Variants in CSMD1 observed in about 807,000 individuals in gnomAD.
The protein encoded by CSMD1 is CUB and Sushi multiple domains 1, also known as CUB and sushi domain-containing protein 1.
CSMD1 carries 213 observed loss-of-function variants against 417.5 expected under a neutral mutation model. The ratio of observed to expected loss-of-function variants is 0.51; its 90% CI spans 0.46 to 0.57. The LOEUF (loss-of-function observed/expected upper bound fraction) is 0.57. CSMD1 is among the 20% of genes least tolerant of loss of function. CSMD1 has a pLI of 0.00. For synonymous variants in CSMD1, 2,862 were observed against 1,736.8 expected, an observed-to-expected ratio of 1.65 and a Z score of -16.11; for missense variants, 6,923 against 4,529.7, an observed-to-expected ratio of 1.53 and a Z score of -15.17.
intron 2 of CSMD1, among the ~76,000 whole-genome samples, chr8:4,533,575 T>G (rs1023330669): frequency 2.0e-5 from 3 of 152,146 alleles, no homozygotes; most frequent in Non-Finnish European, 4.4e-5. Flanking sequence ...TTACCTAAAT[T>G]ATTAACCAAT....
At chr8:3,965,411 T>C (rs1812614153) in intron 5 of CSMD1, among the ~76,000 whole-genome samples, 1 of 152,138 alleles carries the variant, frequency 6.6e-6, no homozygotes, top group African/African-American at 2.4e-5. Context: ...GAGACATGGT[T>C]TTCGTGATGG....
intron 3 of CSMD1, among the ~76,000 whole-genome samples, chr8:4,248,580 C>T (rs1802853076): frequency 6.6e-6 from 1 of 152,176 alleles, no homozygotes; most frequent in South Asian, 2.1e-4. Flanking sequence ...TCTCTCACCT[C>T]CTTCAAATCT....
intron 3 of CSMD1, among the ~76,000 whole-genome samples, chr8:4,058,350 T>C (rs1286701635): frequency 6.6e-6 from 1 of 152,126 alleles, no homozygotes; most frequent in East Asian, 1.9e-4. Context: ...GTTATTGGTA[T>C]ATAAGAATGC....
At chr8:4,230,761 C>A (rs953213614) in intron 3 of CSMD1, among the ~76,000 whole-genome samples, 1 of 151,870 alleles carries the variant, frequency 6.6e-6, no homozygotes, top group African/African-American at 2.4e-5. Context: ...TAAATTCTAT[C>A]AGTTTTTTTT....
intron 3 of CSMD1, among the ~76,000 whole-genome samples, chr8:4,352,923 A>T (rs1314625324): frequency 6.6e-6 from 1 of 152,230 alleles, no homozygotes; most frequent in Non-Finnish European, 1.5e-5. Flanking sequence ...TAGGCAAAAT[A>T]TTTATAAGTA....
chr8:4,516,199 C>G (rs766198978), intron 2 of CSMD1, among the ~76,000 whole-genome samples: 3 of 151,944 alleles, frequency 2.0e-5, no homozygotes, highest in Admixed American at 2.0e-4. Context: ...AGATAAGAAC[C>G]CAGACACACA....
At chr8:3,249,423 C>CAG in intron 26 of CSMD1, among the ~76,000 whole-genome samples, 1 of 152,108 alleles carries the variant, frequency 6.6e-6, no homozygotes, top group African/African-American at 2.4e-5. Context: ...GGCGTTTCAC[C>CAG]ATGTTGGCCA....
intron 5 of CSMD1, among the ~76,000 whole-genome samples, chr8:3,893,318 A>C (rs1204999066): frequency 1.4e-5 from 1 of 69,406 alleles, no homozygotes; most frequent in East Asian, 4.8e-4. Context: ...TTTATGTCCC[A>C]AACTAATAAT....
chr8:4,891,146 CTG>C (rs1480064464), intron 1 of CSMD1, among the ~76,000 whole-genome samples: 2 of 152,094 alleles, frequency 1.3e-5, no homozygotes, highest in Admixed American at 6.5e-5. Flanking sequence ...GGTATGAACT[CTG>C]TGTTTTGAGT....
chr8:3,257,184 T>C (rs931353105), intron 26 of CSMD1, among the ~76,000 whole-genome samples: 2 of 152,068 alleles, frequency 1.3e-5, no homozygotes, highest in African/African-American at 4.8e-5. Context: ...TTGCTGGGTT[T>C]GGTGGTGCAT....
chr8:4,058,358 T>C (rs1003493473), intron 3 of CSMD1, among the ~76,000 whole-genome samples: 8 of 152,282 alleles, frequency 5.3e-5, no homozygotes, highest in East Asian at 1.9e-4. Context: ...TATATAAGAA[T>C]GCTTGTGATT....
At chr8:3,850,528 C>G (rs927238406) in intron 5 of CSMD1, among the ~76,000 whole-genome samples, 1 of 151,972 alleles carries the variant, frequency 6.6e-6, no homozygotes, top group African/African-American at 2.4e-5. Context: ...AACCCCATCT[C>G]TATTATGGAT....
chr8:3,068,666 C>A (rs1353697995), intron 49 of CSMD1, among the ~76,000 whole-genome samples: 2 of 152,122 alleles, frequency 1.3e-5, no homozygotes, highest in Non-Finnish European at 2.9e-5. Context: ...CAAGGGGGAG[C>A]AGGCTTCTCA....
intron 33 of CSMD1, among the ~76,000 whole-genome samples, chr8:3,197,051 C>A (rs548750148): frequency 1.3e-5 from 2 of 152,280 alleles, no homozygotes; most frequent in South Asian, 4.1e-4. Context: ...GGAAAACACA[C>A]AAAAACCCAG....
At chr8:4,987,156 G>C (rs1300841501) in intron 1 of CSMD1, among the ~76,000 whole-genome samples, 1 of 152,264 alleles carries the variant, frequency 6.6e-6, no homozygotes, top group African/African-American at 2.4e-5. Context: ...CCTGGGATGG[G>C]CGTGGGTAGA....
chr8:4,426,317 T>A (rs1257154877), intron 2 of CSMD1, among the ~76,000 whole-genome samples: 1 of 151,256 alleles, frequency 6.6e-6, no homozygotes, highest in Admixed American at 6.6e-5. Flanking sequence ...ATATAAAAAG[T>A]TTTTTTAATT....
At chr8:3,745,019 G>C (rs559495238) in intron 6 of CSMD1, among the ~76,000 whole-genome samples, 7 of 152,042 alleles carry the variant, frequency 4.6e-5, no homozygotes, top group Non-Finnish European at 7.3e-5. Flanking sequence ...AGGATTCTCC[G>C]GGCAGTGAAT....
chr8:4,774,662 T>A (rs1452960835), intron 1 of CSMD1, among the ~76,000 whole-genome samples: 1 of 152,130 alleles, frequency 6.6e-6, no homozygotes, highest in African/African-American at 2.4e-5. Flanking sequence ...TAACCTCTAA[T>A]GTTGGAGATG....
chr8:4,404,558 A>G (rs916818404), intron 3 of CSMD1, among the ~76,000 whole-genome samples: 4 of 152,310 alleles, frequency 2.6e-5, no homozygotes, highest in African/African-American at 9.6e-5. Context: ...TTAAATATGA[A>G]CATTTTTAAA....
Sources: allele counts gnomAD v4.1 joint callset (sites outside exome capture counted in the v4.1 genomes callset), GRCh38; gene constraint gnomAD v4.1.1; transcripts MANE v1.5; gene names NCBI Gene and HGNC (gene_info 2026-07-23, HGNC 2026-07-21).